RAD50: variants seen among roughly 807,000 people sequenced by gnomAD.
The protein encoded by RAD50 is RAD50 double strand break repair protein.
Under a neutral mutation model 168.8 loss-of-function variants are expected in RAD50, and 132 were observed. That is an observed-to-expected ratio of 0.78 (90% CI 0.68 to 0.90). The LOEUF is 0.90. Among genes scored for constraint, RAD50 ranks in the 40% least tolerant of loss-of-function variants. RAD50 has a pLI of 0.00. For synonymous variants in RAD50, 525 were observed against 497.4 expected (o/e 1.06, Z -0.74); for missense variants, 1,347 against 1,534.4 (o/e 0.88, Z 2.04).
intron 16 of RAD50, 121 bp from the exon 17 acceptor site, chr5:132,608,494 C>A: frequency 1.3e-6 from 1 of 797,388 alleles, no homozygotes; most frequent in Non-Finnish European, 2.0e-6. Flanking sequence ...TTGAAAGGAG[C>A]AAATGAGTTG....
intron 21 of RAD50, among the ~76,000 whole-genome samples, chr5:132,627,224 A>T (rs1751387284): frequency 6.6e-6 from 1 of 152,140 alleles, no homozygotes; most frequent in African/African-American, 2.4e-5. Flanking sequence ...ACTGTTACTT[A>T]TACTTCCTGG....
chr5:132,595,938 C>G (rs1750785155), intron 13 of RAD50, 128 bp downstream of exon 13: 5 of 803,830 alleles, frequency 6.2e-6, no homozygotes, highest in Non-Finnish European at 1.1e-5. Context: ...TATATCACTT[C>G]TATGATAAGA....
At chr5:132,636,321 G>A (rs1751581308) in intron 21 of RAD50, among the ~76,000 whole-genome samples, 1 of 152,170 alleles carries the variant, frequency 6.6e-6, no homozygotes, top group Admixed American at 6.5e-5. Flanking sequence ...TTTGTTTTTA[G>A]TGTTTAGAAA....
chr5:132,637,073 TA>T (rs1561658716), intron 21 of RAD50, 41 bp from the exon 22 acceptor site: 1 of 1,490,862 alleles, frequency 6.7e-7, no homozygotes, highest in East Asian at 2.5e-5. Flanking sequence ...TACACATAAT[TA>T]TTTTTTATAT....
chr5:132,630,204 G>A (rs192336709), intron 21 of RAD50, among the ~76,000 whole-genome samples: 58 of 151,966 alleles, frequency 3.8e-4, no homozygotes, highest in Admixed American at 2.6e-4. Context: ...CACCACACCC[G>A]GCTAATTTTT....
chr5:132,641,977 G>A, intron 24 of RAD50: 1 of 598,604 alleles, frequency 1.7e-6, no homozygotes, highest in Non-Finnish European at 3.0e-6. Flanking sequence ...CAGGCCATGT[G>A]TCCCTACTGT....
rs761601564 is a variant in RAD50 at position 132,631,878 on chromosome 5, G to T, written c.3390-5237G>T. Among the ~76,000 whole-genome samples the T allele has an allele frequency of 2.0e-5, 3 of 152,124 alleles. No individual in the cohort carries two copies. In the East Asian group the frequency reaches 5.8e-4, roughly 29 times the overall value. ...GAGCCACCGCACCCAGCCCAGAGCT[G>T]CCTTCTTTCCATGGCTTCAGCCTAA... On this transcript the variant is annotated intron_variant, in intron 21 of 24. Coordinates refer to ENST00000378823, the MANE Select transcript of RAD50 (RefSeq NM_005732.4).
In RAD50 at chr5:132,644,292, T is replaced by A. The variant is rs1201529179; in HGVS notation, c.*1928T>A. The A allele has an allele frequency of 5.8e-6, 1 of 172,558 alleles. No individual in the cohort carries two copies. Among genetic ancestry groups the A allele is most frequent in the Non-Finnish European group, 1.3e-5 (1 of 79,794 alleles). The allele number at this position is 172,558 out of a possible 1,614,324, so 10.7% of individuals were successfully genotyped here. On this transcript the variant is annotated 3_prime_UTR_variant, in exon 25 of 25. Transcript: ENST00000378823. ...CCCATGGGTTTGGAGGTGGGATAGGTGCCTTTCTGGCTTCTCATTGCTGCT... is the reference window on the plus strand; with the variant it reads ...CCCATGGGTTTGGAGGTGGGATAGGAGCCTTTCTGGCTTCTCATTGCTGCT...
chr5:132,577,845 C>T (rs544103776), intron 3 of RAD50, among the ~76,000 whole-genome samples: 342 of 114,764 alleles, frequency 3.0e-3, no homozygotes, highest in African/African-American at 0.011. Flanking sequence ...GAGTCTTGCT[C>T]TGTCTGTCAC....
At chr5:132,571,845 A>G (rs1241153931) in intron 2 of RAD50, among the ~76,000 whole-genome samples, 1 of 152,246 alleles carries the variant, frequency 6.6e-6, no homozygotes, top group African/African-American at 2.4e-5. Flanking sequence ...CCAAAGATAC[A>G]TAACCTGATT....
At chr5:132,575,308 C>G (rs2706352) in intron 2 of RAD50, among the ~76,000 whole-genome samples, 1 of 152,204 alleles carries the variant, frequency 6.6e-6, no homozygotes, top group East Asian at 1.9e-4. Flanking sequence ...TCTTATAAAA[C>G]CATCAGGTCT....
In RAD50 at chr5:132,606,034, A is replaced by T. The variant is rs892040863; in HGVS notation, c.2718+1035A>T. ...TGCCCACAAGAGAAAGCAGGAAATA[A>T]CTGAATTCAACACCTTAACATCAAA... On this transcript the variant is annotated intron_variant, in intron 16 of 24. Coordinates refer to ENST00000378823, the MANE Select transcript of RAD50 (RefSeq NM_005732.4). Among the ~76,000 whole-genome samples the T allele has an allele frequency of 2.2e-4, 34 of 152,234 alleles. 1 individual carries two copies. Among genetic ancestry groups the T allele is most frequent in the African/African-American group, 7.7e-4 (32 of 41,544 alleles).
rs554362169 is a variant in RAD50 at position 132,640,600 on chromosome 5, T to C, written c.3619-72T>C. On this transcript the variant is annotated intron_variant, in intron 23 of 24. Coordinates refer to ENST00000378823, the MANE Select transcript of RAD50 (RefSeq NM_005732.4). The stretch of plus-strand genomic sequence containing the variant: ...CCACTTTTCCCTGCTGAAAAGATCA[T>C]GTCAGGACTGCTTGCCTGCCATGAG... 8.8e-6 allele frequency: 14 copies of C among 1,599,912 alleles called. No individual in the cohort carries two copies. In the East Asian group the frequency reaches 1.3e-4, roughly 15 times the overall value.
intron 21 of RAD50, among the ~76,000 whole-genome samples, chr5:132,624,138 A>T (rs1751331023): frequency 6.6e-6 from 1 of 152,124 alleles, no homozygotes; most frequent in South Asian, 2.1e-4. Flanking sequence ...TTTCATTGTG[A>T]GTGGGTACGT....
intron 2 of RAD50, among the ~76,000 whole-genome samples, chr5:132,570,672 T>C (rs920712172): frequency 6.6e-6 from 1 of 152,224 alleles, no homozygotes; most frequent in Non-Finnish European, 1.5e-5. Context: ...CCTGAGGGAA[T>C]GTTGTGGCTG....
At chr5:132,587,375 G>A (rs539763525) in intron 5 of RAD50, among the ~76,000 whole-genome samples, 187 bp from the exon 6 acceptor site, 2 of 152,246 alleles carry the variant, frequency 1.3e-5, no homozygotes, top group African/African-American at 4.8e-5. Context: ...TAGCTGTGAG[G>A]ACTTGGGCCA....
At position 132,608,735 on chromosome 5, in the gene RAD50, C is replaced by G; in HGVS notation, c.2829+10C>G. On this transcript the variant is annotated intron_variant, in intron 17 of 24. Coordinates refer to ENST00000378823, the MANE Select transcript of RAD50 (RefSeq NM_005732.4). Reference sequence around the variant, plus strand: ...AATAGCACAGGATAAAGTAAGATTTCATTTATATATTTACTTATCAAATAT... The same window carrying G: ...AATAGCACAGGATAAAGTAAGATTTGATTTATATATTTACTTATCAAATAT... The G allele has an allele frequency of 6.4e-7, 1 of 1,566,866 alleles. No homozygotes were observed. The highest frequency in any genetic ancestry group is 8.7e-7 in the Non-Finnish European group (1 of 1,155,962).
In RAD50 at chr5:132,591,857, GA is replaced by G. The variant is rs752344411; in HGVS notation, c.1636-19del. 6.5e-7 allele frequency: 1 copy of G among 1,548,788 alleles called. No individual in the cohort carries two copies. The highest frequency in any genetic ancestry group is 2.3e-5 in the East Asian group (1 of 44,326). ...GGAGATATAGACTTTATTTTTAAAA[GA>G]TTTTTTTTTTACCTATAGGCTGACA... On this transcript the variant is annotated intron_variant, in intron 10 of 24. Coordinates refer to ENST00000378823, the MANE Select transcript of RAD50 (RefSeq NM_005732.4).
chr5:132,606,407 A>G (rs575111703), intron 16 of RAD50, among the ~76,000 whole-genome samples: 3 of 152,352 alleles, frequency 2.0e-5, no homozygotes, highest in East Asian at 3.9e-4. Flanking sequence ...CACCCTCCCA[A>G]GTCTAATCCA....
Sources: gnomAD v4.1 joint callset for allele counts (sites outside exome capture counted in the v4.1 genomes callset) on GRCh38, gnomAD v4.1.1 for gene constraint, MANE v1.5 for transcripts, NCBI Gene and HGNC (gene_info 2026-07-23, HGNC 2026-07-21) for gene names.